LRRIQ1: variants seen among roughly 807,000 people sequenced by gnomAD.
The protein encoded by LRRIQ1 is leucine-rich repeat- and IQ domain-containing protein 1.
Under a neutral mutation model 211.9 loss-of-function variants are expected in LRRIQ1, and 210 were observed. The ratio of observed to expected loss-of-function variants is 0.99; its 90% confidence interval spans 0.89 to 1.11. LRRIQ1 has a LOEUF of 1.11. LRRIQ1 is among the 50% of genes most tolerant of loss of function. The pLI, the probability that LRRIQ1 is intolerant of heterozygous loss-of-function variation, is 0.00. For synonymous variants in LRRIQ1, 699 were observed against 650.1 expected (o/e 1.08, Z -1.14); for missense variants, 2,136 against 1,939.5 (o/e 1.10, Z -1.90).
At chr12:85,078,628 T>G (rs1883930948) in intron 11 of LRRIQ1, among the ~76,000 whole-genome samples, 1 of 152,166 alleles carries the variant, frequency 6.6e-6, no homozygotes, top group Non-Finnish European at 1.5e-5. Flanking sequence ...TGTTACATGT[T>G]TCTGTTAAAT....
At chr12:85,195,552 T>C (rs1489892447) in intron 24 of LRRIQ1, among the ~76,000 whole-genome samples, 1 of 152,144 alleles carries the variant, frequency 6.6e-6, no homozygotes, top group Non-Finnish European at 1.5e-5. Flanking sequence ...ATCCAGCATA[T>C]AAACAGAACC....
At chr12:85,206,858 AG>A (rs1893579776) in intron 24 of LRRIQ1, among the ~76,000 whole-genome samples, 1 of 152,106 alleles carries the variant, frequency 6.6e-6, no homozygotes, top group Non-Finnish European at 1.5e-5. Flanking sequence ...CTCATCTCAC[AG>A]GCAAGATTGC....
At chr12:85,163,819 G>A (rs1238794678) in intron 24 of LRRIQ1, among the ~76,000 whole-genome samples, 1 of 151,902 alleles carries the variant, frequency 6.6e-6, no homozygotes, top group Admixed American at 6.6e-5. Flanking sequence ...TGTTTTACAG[G>A]ATGTTCTTCT....
chr12:85,075,536 A>T (rs1362787960), intron 11 of LRRIQ1, among the ~76,000 whole-genome samples: 2 of 151,890 alleles, frequency 1.3e-5, no homozygotes, highest in African/African-American at 4.8e-5. Context: ...GGTGGTGGGG[A>T]TATTGCCATA....
intron 18 of LRRIQ1, among the ~76,000 whole-genome samples, chr12:85,128,429 A>C (rs1288559988): frequency 2.0e-5 from 3 of 152,118 alleles, no homozygotes; most frequent in African/African-American, 4.8e-5. Flanking sequence ...GCGAGACTCC[A>C]TATCTACAAA....
At chr12:85,193,009 A>C (rs1485612796) in intron 24 of LRRIQ1, among the ~76,000 whole-genome samples, 1 of 29,032 alleles carries the variant, frequency 3.4e-5, no homozygotes, top group African/African-American at 3.9e-4. Context: ...ATATAAATAT[A>C]TAATTATATA....
intron 24 of LRRIQ1, among the ~76,000 whole-genome samples, chr12:85,197,712 A>C (rs1893003266): frequency 6.6e-6 from 1 of 151,568 alleles, no homozygotes; most frequent in Non-Finnish European, 1.5e-5. Flanking sequence ...TAGCATCGGG[A>C]GATATACCTA....
intron 19 of LRRIQ1, among the ~76,000 whole-genome samples, chr12:85,146,213 C>A (rs1344614683): frequency 6.6e-6 from 1 of 151,756 alleles, no homozygotes; most frequent in Non-Finnish European, 1.5e-5. Flanking sequence ...TGAAGCTGAA[C>A]TGAATGCTTT....
chr12:85,106,117 A>T (rs975855014), intron 14 of LRRIQ1, among the ~76,000 whole-genome samples: 3 of 152,118 alleles, frequency 2.0e-5, no homozygotes, highest in Non-Finnish European at 2.9e-5. Context: ...TTTTTAAGGT[A>T]AAAAGGTCCA....
intron 15 of LRRIQ1, among the ~76,000 whole-genome samples, chr12:85,112,869 A>C (rs1198672370): frequency 6.6e-6 from 1 of 152,100 alleles, no homozygotes; most frequent in Non-Finnish European, 1.5e-5. Context: ...TGTTCTCCCG[A>C]ATGTCTGGAT....
At chr12:85,087,277 A>G (rs770429032) in intron 11 of LRRIQ1, among the ~76,000 whole-genome samples, 4 of 151,944 alleles carry the variant, frequency 2.6e-5, no homozygotes, top group Non-Finnish European at 4.4e-5. Context: ...TGAACTCATC[A>G]TTTTTTTATT....
intron 10 of LRRIQ1, among the ~76,000 whole-genome samples, chr12:85,068,435 C>T (rs73379760): frequency 0.057 from 8,675 of 151,890 alleles, 837 homozygotes; most frequent in African/African-American, 0.2. Flanking sequence ...TACAATAATA[C>T]ATAGAAATTC....
intron 19 of LRRIQ1, among the ~76,000 whole-genome samples, chr12:85,150,220 A>G (rs749186289): frequency 6.6e-6 from 1 of 151,766 alleles, no homozygotes; most frequent in Non-Finnish European, 1.5e-5. Context: ...TGCCTTTGTA[A>G]TATTGTCTCC....
At chr12:85,059,354 T>G (rs536492109) in intron 8 of LRRIQ1, among the ~76,000 whole-genome samples, 1 of 152,148 alleles carries the variant, frequency 6.6e-6, no homozygotes, top group South Asian at 2.1e-4. Context: ...CAAGTTACAA[T>G]GAAGTTACAT....
In LRRIQ1 at chr12:85,128,163, G is replaced by A. The variant is rs1888515129; in HGVS notation, c.4209+130G>A. On this transcript the variant is annotated intron_variant, in intron 18 of 26. Transcript: ENST00000393217. ...ATGTAGATTTATTTCTTATTCAAGTGACATGTTGGCTGCAGGTTAGCTGCA... is the reference window on the plus strand; with the variant it reads ...ATGTAGATTTATTTCTTATTCAAGTAACATGTTGGCTGCAGGTTAGCTGCA... The A allele has an allele frequency of 1.6e-5, 13 of 798,554 alleles. No homozygotes were observed. In the South Asian group the frequency reaches 2.4e-4, roughly 15 times the overall value. The allele number at this position is 798,554 out of a possible 1,614,324, so 49.5% of individuals were successfully genotyped here.
At chr12:85,076,335 AAAT>A (rs1170417927) in intron 11 of LRRIQ1, among the ~76,000 whole-genome samples, 1 of 151,924 alleles carries the variant, frequency 6.6e-6, no homozygotes, top group South Asian at 2.1e-4. Flanking sequence ...TATTGAATAA[AAAT>A]AAAAATAAAT....
At chr12:85,221,285 A>C (rs1028366382) in intron 24 of LRRIQ1, among the ~76,000 whole-genome samples, 6 of 152,140 alleles carry the variant, frequency 3.9e-5, no homozygotes, top group Non-Finnish European at 7.3e-5. Flanking sequence ...TTCTAGTTCT[A>C]CTTTTCTCAG....
intron 8 of LRRIQ1, among the ~76,000 whole-genome samples, chr12:85,060,441 C>T (rs1881658286): frequency 6.6e-6 from 1 of 151,652 alleles, no homozygotes; most frequent in South Asian, 2.1e-4. Flanking sequence ...GTAATAACCA[C>T]CACAAAAAAG....
chr12:85,232,702 C>G lies in LRRIQ1; in HGVS notation c.4962C>G (p.His1654Gln), dbSNP rs1358103977. 1 of 1,611,734 alleles carries G rather than the reference C, an allele frequency of 6.2e-7. No homozygotes were observed. The highest frequency in any genetic ancestry group is 1.1e-5 in the South Asian group (1 of 90,910). Residue 1654 changes from histidine to glutamine, a missense_variant, in exon 26 of 27, where the codon CAC becomes CAG. Transcript: ENST00000393217. ...TTSSRNMKCN[H>Q]FLPELDPDVL... The stretch of plus-strand genomic sequence containing the variant: ...TGTTTTTGTCACTATGCAGCAATCA[C>G]TTTTTGCCTGAGTTAGATCCAGATG...
Sources: gnomAD v4.1 joint callset for allele counts (sites outside exome capture counted in the v4.1 genomes callset) on GRCh38, gnomAD v4.1.1 for gene constraint, MANE v1.5 for transcripts, NCBI Gene and HGNC (gene_info 2026-07-23, HGNC 2026-07-21) for gene names.